OSBP2: variants seen among roughly 807,000 people sequenced by gnomAD.
OSBP2 encodes oxysterol binding protein 2.
In OSBP2, 66 loss-of-function variants were observed where a neutral mutation model predicts 96.0. The observed-to-expected ratio is 0.69, with a 90% CI of 0.56 to 0.84. The LOEUF is 0.84. Ranked by LOEUF, OSBP2 falls within the 40% of genes least tolerant of loss-of-function variation. The probability of loss-of-function intolerance (pLI) is 0.00; values close to 1 mark genes in which losing one functional copy is unlikely to be tolerated. For missense variants in OSBP2, 1,038 were observed against 1,222.7 expected (o/e 0.85, Z 2.25); for synonymous variants, 525 against 520.9 (o/e 1.01, Z -0.11).
intron 1 of OSBP2, among the ~76,000 whole-genome samples, chr22:30,725,211 A>G (rs2089626759): frequency 6.6e-6 from 1 of 150,554 alleles, no homozygotes; most frequent in South Asian, 2.1e-4. Flanking sequence ...AAAAAAACAA[A>G]AACAAATTAT....
intron 2 of OSBP2, among the ~76,000 whole-genome samples, chr22:30,815,758 C>A (rs1236740470): frequency 6.6e-6 from 1 of 152,064 alleles, no homozygotes; most frequent in Non-Finnish European, 1.5e-5. Flanking sequence ...AATTTCTTAG[C>A]CCAAAAGGCC....
In OSBP2 at chr22:30,863,517, G is replaced by A. The variant is rs80254579; in HGVS notation, c.854-6912G>A. Among the ~76,000 whole-genome samples the A allele has an allele frequency of 3.8e-3, 579 of 152,256 alleles. 3 individuals are homozygous for A. Among genetic ancestry groups the A allele is most frequent in the African/African-American group, 0.012 (512 of 41,564 alleles). Reference sequence around the variant, plus strand: ...TAGGATGCATGCCCTGCTTAAAGTCGGTAGTGCTCAAGATGCAATGAATGC... The same window carrying A: ...TAGGATGCATGCCCTGCTTAAAGTCAGTAGTGCTCAAGATGCAATGAATGC... On this transcript the variant is annotated intron_variant, in intron 2 of 13. Coordinates refer to ENST00000332585, the MANE Select transcript of OSBP2 (RefSeq NM_030758.4).
Position 30,741,190 on chromosome 22 carries a change from G to A in OSBP2, c.674G>A (p.Arg225His), listed in dbSNP as rs747111711. 7 of 1,614,126 alleles carry A rather than the reference G, an allele frequency of 4.3e-6. No individual in the cohort carries two copies. The highest frequency in any genetic ancestry group is 4.5e-5 in the East Asian group (2 of 44,888). Residue 225 changes from arginine (R) to histidine (H), a missense_variant, in exon 2 of 14, where the codon CGT becomes CAT. Transcript: ENST00000332585. ...CAGGGTGAAATGGCCCACACGTGCC[G>A]TGGAACCATCAACCTGTCCACCGCG... ...RNQGEMAHTC[R>H]GTINLSTAHI...
At chr22:30,765,467 C>T (rs1407829006) in intron 2 of OSBP2, among the ~76,000 whole-genome samples, 1 of 152,130 alleles carries the variant, frequency 6.6e-6, no homozygotes, top group Non-Finnish European at 1.5e-5. Flanking sequence ...CCTCCGCCTC[C>T]CAAACTGCTA....
At chr22:30,833,889 G>A (rs957401211) in intron 2 of OSBP2, among the ~76,000 whole-genome samples, 1 of 152,034 alleles carries the variant, frequency 6.6e-6, no homozygotes, top group Non-Finnish European at 1.5e-5. Flanking sequence ...TCTTATCAGT[G>A]TTTTTTTACC....
At chr22:30,879,551 G>A (rs957312709) in intron 3 of OSBP2, among the ~76,000 whole-genome samples, 1 of 152,180 alleles carries the variant, frequency 6.6e-6, no homozygotes, top group East Asian at 1.9e-4. Context: ...AGCAGGCCCT[G>A]GAAGCTCCGC....
At chr22:30,810,668 C>T (rs1455078087) in intron 2 of OSBP2, among the ~76,000 whole-genome samples, 2 of 152,102 alleles carry the variant, frequency 1.3e-5, no homozygotes, top group Non-Finnish European at 2.9e-5. Context: ...CAGCTGTGTC[C>T]ATTCTTTGCA....
At chr22:30,730,027 C>T (rs2089721939) in intron 1 of OSBP2, among the ~76,000 whole-genome samples, 1 of 151,752 alleles carries the variant, frequency 6.6e-6, no homozygotes, top group African/African-American at 2.4e-5. Flanking sequence ...GGCACAATCT[C>T]GCTCGGCTCA....
chr22:30,856,017 T>C (rs542639287), intron 2 of OSBP2, among the ~76,000 whole-genome samples: 1 of 152,342 alleles, frequency 6.6e-6, no homozygotes, highest in Non-Finnish European at 1.5e-5. Flanking sequence ...AGCTAGGCTC[T>C]GGGGACCTGG....
intron 2 of OSBP2, among the ~76,000 whole-genome samples, chr22:30,861,972 T>C (rs762578686): frequency 6.6e-6 from 1 of 152,210 alleles, no homozygotes; most frequent in Non-Finnish European, 1.5e-5. Flanking sequence ...GTCACCATCC[T>C]GCACCAGCTG....
At chr22:30,735,976 C>T (rs538010081) in intron 1 of OSBP2, among the ~76,000 whole-genome samples, 26 of 150,638 alleles carry the variant, frequency 1.7e-4, no homozygotes, top group African/African-American at 4.2e-4. Context: ...TGTGGTGGCA[C>T]GATCTCAGCT....
At chr22:30,743,844 G>A (rs531347988) in intron 2 of OSBP2, among the ~76,000 whole-genome samples, 2 of 152,258 alleles carry the variant, frequency 1.3e-5, no homozygotes, top group South Asian at 4.1e-4. Flanking sequence ...AGGTGAGGGC[G>A]GGGAGGAAGG....
At chr22:30,827,388 C>T (rs566839563) in intron 2 of OSBP2, among the ~76,000 whole-genome samples, 2 of 152,294 alleles carry the variant, frequency 1.3e-5, no homozygotes, top group South Asian at 4.1e-4. Context: ...GCAAACCTAA[C>T]ATGACAGAGC....
At chr22:30,840,135 A>G (rs1457308979) in intron 2 of OSBP2, among the ~76,000 whole-genome samples, 2 of 149,326 alleles carry the variant, frequency 1.3e-5, no homozygotes, top group African/African-American at 4.9e-5. Flanking sequence ...GGTGCAGTGC[A>G]CCAACATGGC....
In OSBP2 at chr22:30,742,887, C is replaced by A. The variant is rs2089958067; in HGVS notation, c.853+1518C>A. Among the ~76,000 whole-genome samples, 3 of 152,150 alleles carry A rather than the reference C, an allele frequency of 2.0e-5. No homozygotes were observed. In the South Asian group the frequency reaches 6.2e-4, roughly 32 times the overall value. On this transcript the variant is annotated intron_variant, in intron 2 of 13. Coordinates refer to ENST00000332585, the MANE Select transcript of OSBP2 (RefSeq NM_030758.4). ...GGCTTGCTGGGTCAGTGGGCGCGTA[C>A]ATTTGTAATTCTTCAAGGTATTGTC...
At chr22:30,724,763 T>G (rs2089614273) in intron 1 of OSBP2, among the ~76,000 whole-genome samples, 4 of 152,222 alleles carry the variant, frequency 2.6e-5, no homozygotes, top group Admixed American at 2.6e-4. Flanking sequence ...CTCATGGAAC[T>G]TGTGCTTTAG....
At chr22:30,875,932 C>T (rs2147122346) in intron 3 of OSBP2, among the ~76,000 whole-genome samples, 1 of 152,370 alleles carries the variant, frequency 6.6e-6, no homozygotes, top group African/African-American at 2.4e-5. Flanking sequence ...AAGTGACAGG[C>T]TGCCAGGCAT....
chr22:30,749,780 G>C (rs1452062869), intron 2 of OSBP2, among the ~76,000 whole-genome samples: 5 of 152,078 alleles, frequency 3.3e-5, no homozygotes, highest in Admixed American at 3.3e-4. Flanking sequence ...GCTGATTTTT[G>C]TATTTTTAGT....
At chr22:30,786,040 G>GTGTA (rs1569123201) in intron 2 of OSBP2, among the ~76,000 whole-genome samples, 1 of 151,998 alleles carries the variant, frequency 6.6e-6, no homozygotes, top group Non-Finnish European at 1.5e-5. Context: ...GTGTGTGTGT[G>GTGTA]TGTACAGAAG....
Sources: gnomAD v4.1 joint callset for allele counts (sites outside exome capture counted in the v4.1 genomes callset) on GRCh38, gnomAD v4.1.1 for gene constraint, MANE v1.5 for transcripts, NCBI Gene and HGNC (gene_info 2026-07-23, HGNC 2026-07-21) for gene names.